EBF4: variants seen among roughly 807,000 people sequenced by gnomAD.
The protein encoded by EBF4 is transcription factor COE4.
EBF4 carries 34 observed loss-of-function variants against 67.1 expected under a neutral mutation model. The observed-to-expected ratio is 0.51, with a 90% CI of 0.39 to 0.67. EBF4 has a LOEUF of 0.67. Ranked by LOEUF, EBF4 falls within the 30% of genes least tolerant of loss-of-function variation. The probability of loss-of-function intolerance (pLI) is 0.00; values close to 1 mark genes in which losing one functional copy is unlikely to be tolerated. For missense variants in EBF4, 837 were observed against 873.3 expected (o/e 0.96, Z 0.52); for synonymous variants, 387 against 377.7 (o/e 1.02, Z -0.29).
intron 6 of EBF4, among the ~76,000 whole-genome samples, chr20:2,721,485 C>T (rs1166614771): frequency 6.6e-6 from 1 of 151,876 alleles, no homozygotes; most frequent in Admixed American, 6.6e-5. Context: ...GATGGAGTCT[C>T]GCTCTGTCAC....
intron 3 of EBF4, 60 bp downstream of exon 3, chr20:2,706,097 A>T (rs375185109): frequency 6.5e-7 from 1 of 1,548,368 alleles, no homozygotes. Flanking sequence ...CTGCAGCATC[A>T]TGCGACACCT....
chr20:2,718,030 C>T (rs576846117), intron 6 of EBF4, among the ~76,000 whole-genome samples: 6 of 152,182 alleles, frequency 3.9e-5, no homozygotes, highest in East Asian at 1.9e-4. Flanking sequence ...AGGCTGGTCT[C>T]GAACTCCTGA....
chr20:2,725,965 A>G (rs747914968), intron 6 of EBF4, among the ~76,000 whole-genome samples: 1 of 152,050 alleles, frequency 6.6e-6, no homozygotes, highest in African/African-American at 2.4e-5. Flanking sequence ...ATCTAGTTCT[A>G]TTGCCGGGGG....
chr20:2,755,556 G>T lies in EBF4; in HGVS notation c.1541-71G>T, dbSNP rs943929612. 5.1e-5 allele frequency: 40 copies of T among 786,112 alleles called. No individual in the cohort carries two copies. The highest frequency in any genetic ancestry group is 7.9e-5 in the Non-Finnish European group (37 of 466,528). 48.7% of individuals were successfully genotyped at this position (786,112 alleles called of 1,614,324 possible). Reference sequence around the variant, plus strand: ...GGGCCCCAGCCAAGCTGCTCACTCTGGTGCTGTCTCCCTGTTGTGTCTCCC... The same window carrying T: ...GGGCCCCAGCCAAGCTGCTCACTCTTGTGCTGTCTCCCTGTTGTGTCTCCC... On this transcript the variant is annotated intron_variant, in intron 14 of 16. Transcript: ENST00000609451. This position sits in a 1 kb window ranked among gnomAD's most constrained non-coding sequence, Gnocchi z 4.7.
chr20:2,719,259 A>G, intron 6 of EBF4, among the ~76,000 whole-genome samples: 1 of 151,146 alleles, frequency 6.6e-6, no homozygotes, highest in East Asian at 1.9e-4. Context: ...TACCCAGCTA[A>G]TTTTTGTATT....
intron 6 of EBF4, among the ~76,000 whole-genome samples, chr20:2,710,298 G>A (rs543076946): frequency 5.9e-5 from 9 of 152,006 alleles, no homozygotes; most frequent in Admixed American, 1.3e-4. Flanking sequence ...ACAAGGACAC[G>A]CCTCCACACC....
In EBF4 at chr20:2,745,037, C is replaced by T. The variant is rs1189860119; in HGVS notation, c.558-3512C>T. Among the ~76,000 whole-genome samples, 1 of 152,170 alleles carries T rather than the reference C, an allele frequency of 6.6e-6. No individual in the cohort carries two copies. The highest frequency in any genetic ancestry group is 1.5e-5 in the Non-Finnish European group (1 of 68,036). Reference sequence around the variant, plus strand: ...AGCCACACTGCAAGGGTTCATGCCGCGTGGGGCTGGTGGCTATAGTAATGG... The same window carrying T: ...AGCCACACTGCAAGGGTTCATGCCGTGTGGGGCTGGTGGCTATAGTAATGG... On this transcript the variant is annotated intron_variant, in intron 6 of 16. Transcript: ENST00000609451. This position sits in a 1 kb window ranked among gnomAD's most constrained non-coding sequence, Gnocchi z 5.2.
At chr20:2,714,363 CT>C (rs2087581889) in intron 6 of EBF4, among the ~76,000 whole-genome samples, 1 of 142,988 alleles carries the variant, frequency 7.0e-6, no homozygotes, top group African/African-American at 2.6e-5. Context: ...TTCTTTCTTT[CT>C]TCTTTTTTGA....
intron 6 of EBF4, among the ~76,000 whole-genome samples, chr20:2,732,748 A>C (rs1056069736): frequency 5.3e-5 from 8 of 152,114 alleles, no homozygotes; most frequent in African/African-American, 9.7e-5. Flanking sequence ...TATTTAATGT[A>C]ATTGCTGATA....
At chr20:2,704,704 A>G (rs2087426290) in intron 1 of EBF4, among the ~76,000 whole-genome samples, 1 of 152,144 alleles carries the variant, frequency 6.6e-6, no homozygotes, top group African/African-American at 2.4e-5. Flanking sequence ...TTGCATGGAC[A>G]TCTTTGGGGG....
At chr20:2,713,313 G>C (rs933397356) in intron 6 of EBF4, among the ~76,000 whole-genome samples, 1 of 152,176 alleles carries the variant, frequency 6.6e-6, no homozygotes, top group Non-Finnish European at 1.5e-5. Context: ...ACAGAGACAT[G>C]GACACAGAAG....
At chr20:2,697,810 A>G (rs897584928) in intron 1 of EBF4, among the ~76,000 whole-genome samples, 1 of 152,152 alleles carries the variant, frequency 6.6e-6, no homozygotes. Context: ...CACACTCAGC[A>G]CAGAAGTAGC....
At chr20:2,730,527 G>A (rs1344386655) in intron 6 of EBF4, among the ~76,000 whole-genome samples, 1 of 144,832 alleles carries the variant, frequency 6.9e-6, no homozygotes, top group East Asian at 1.9e-4. Flanking sequence ...ATAACTTTTG[G>A]GGGGGCCACC....
intron 6 of EBF4, among the ~76,000 whole-genome samples, chr20:2,713,743 A>G (rs1193309175): frequency 2.0e-5 from 3 of 152,232 alleles, no homozygotes; most frequent in Non-Finnish European, 2.9e-5. Flanking sequence ...AGAGACGAGT[A>G]TGATGAGAGT....
At chr20:2,711,971 C>T (rs544740342) in intron 6 of EBF4, among the ~76,000 whole-genome samples, 1 of 152,264 alleles carries the variant, frequency 6.6e-6, no homozygotes, top group African/African-American at 2.4e-5. Flanking sequence ...AGAATATTCT[C>T]GGCAAGAGTG....
intron 6 of EBF4, among the ~76,000 whole-genome samples, chr20:2,729,176 ATGGC>A (rs1296440419): frequency 6.6e-6 from 1 of 150,864 alleles, no homozygotes; most frequent in Admixed American, 6.6e-5. Flanking sequence ...CAATGGGTCC[ATGGC>A]ACCAAAAAAA....
chr20:2,698,080 G>A (rs191192429), intron 1 of EBF4, among the ~76,000 whole-genome samples: 110 of 152,344 alleles, frequency 7.2e-4, no homozygotes, highest in African/African-American at 2.5e-3. Flanking sequence ...TGGGCAGAGA[G>A]CAGTGGAGTG....
intron 6 of EBF4, among the ~76,000 whole-genome samples, chr20:2,735,027 T>C (rs1466241728): frequency 1.3e-5 from 2 of 151,908 alleles, no homozygotes; most frequent in Admixed American, 1.3e-4. Flanking sequence ...TCCCCACTTT[T>C]TCCTTTAAAA....
intron 6 of EBF4, among the ~76,000 whole-genome samples, chr20:2,741,548 C>T (rs1284527164): frequency 1.3e-5 from 2 of 152,202 alleles, no homozygotes; most frequent in Non-Finnish European, 1.5e-5. Flanking sequence ...GTAGGAAATA[C>T]TCCATGGACA....
Sources: allele counts gnomAD v4.1 joint callset (sites outside exome capture counted in the v4.1 genomes callset), GRCh38; gene constraint gnomAD v4.1.1; non-coding constraint Gnocchi (gnomAD v3.1); transcripts MANE v1.5; gene names NCBI Gene and HGNC (gene_info 2026-07-23, HGNC 2026-07-21).